The following AGBL4 variants were observed in gnomAD, a reference collection of about 807,000 sequenced individuals.
The protein encoded by AGBL4 is cytosolic carboxypeptidase 6.
Under a neutral mutation model 66.4 loss-of-function variants are expected in AGBL4, and 58 were observed. The ratio of observed to expected loss-of-function variants is 0.87; its 90% CI spans 0.71 to 1.09. The LOEUF is 1.09. Among genes scored for constraint, AGBL4 ranks in the 50% least tolerant of loss-of-function variants. The probability of loss-of-function intolerance (pLI) is 0.00; values close to 1 mark genes in which losing one functional copy is unlikely to be tolerated. For missense variants in AGBL4, 579 were observed against 631.0 expected, an observed-to-expected ratio of 0.92 and a Z score of 0.88; for synonymous variants, 234 against 222.9, an observed-to-expected ratio of 1.05 and a Z score of -0.44.
chr1:49,318,463 T>C (rs1344934476), intron 3 of AGBL4, among the ~76,000 whole-genome samples: 2 of 151,938 alleles, frequency 1.3e-5, no homozygotes, highest in African/African-American at 4.8e-5. Context: ...GGGCTTATTG[T>C]ATGCCAAACA....
chr1:48,574,273 A>T (rs1040155963), intron 11 of AGBL4, among the ~76,000 whole-genome samples: 1 of 152,160 alleles, frequency 6.6e-6, no homozygotes, highest in African/African-American at 2.4e-5. Context: ...GTACTTCTAG[A>T]GGCTGAGACT....
intron 2 of AGBL4, among the ~76,000 whole-genome samples, chr1:49,771,343 A>G (rs1644052713): frequency 6.6e-6 from 1 of 152,120 alleles, no homozygotes; most frequent in Non-Finnish European, 1.5e-5. Context: ...GTTTTATAAC[A>G]TTGTGGTACA....
At chr1:49,879,943 T>C (rs1647165342) in intron 1 of AGBL4, among the ~76,000 whole-genome samples, 1 of 145,538 alleles carries the variant, frequency 6.9e-6, no homozygotes, top group South Asian at 2.2e-4. Context: ...TTTCTTCCAG[T>C]TGATCGCATC....
intron 7 of AGBL4, 21 bp from the exon 8 acceptor site, chr1:48,653,472 G>T: frequency 1.3e-6 from 2 of 1,489,204 alleles, no homozygotes; most frequent in South Asian, 1.2e-5. Flanking sequence ...AGAAGAGCCC[G>T]GTTTAACAAC....
chr1:49,612,005 G>A (rs1368547347), intron 3 of AGBL4, among the ~76,000 whole-genome samples: 1 of 152,150 alleles, frequency 6.6e-6, no homozygotes, highest in African/African-American at 2.4e-5. Context: ...AAAAAAATAT[G>A]TGTCTGAGAA....
intron 3 of AGBL4, among the ~76,000 whole-genome samples, chr1:49,302,427 G>A (rs1644762563): frequency 6.6e-6 from 1 of 151,408 alleles, no homozygotes; most frequent in Admixed American, 6.6e-5. Flanking sequence ...TAATTTTTTT[G>A]TATTTTTAGT....
At chr1:49,765,334 T>C (rs1445758515) in intron 2 of AGBL4, among the ~76,000 whole-genome samples, 1 of 151,774 alleles carries the variant, frequency 6.6e-6, no homozygotes, top group Non-Finnish European at 1.5e-5. Flanking sequence ...CAACAGAAGT[T>C]CACAGGGCTA....
At chr1:49,996,193 G>C (rs1239759803) in intron 1 of AGBL4, 1 of 151,986 alleles carries the variant, frequency 6.6e-6, no homozygotes, top group Non-Finnish European at 1.5e-5. Flanking sequence ...TAGCTTACCA[G>C]CAATGGATCA....
intron 4 of AGBL4, among the ~76,000 whole-genome samples, chr1:49,240,018 A>C (rs990018751): frequency 6.6e-6 from 1 of 152,002 alleles, no homozygotes; most frequent in African/African-American, 2.4e-5. Context: ...TTAATTTATA[A>C]ATTTATAATT....
intron 6 of AGBL4, among the ~76,000 whole-genome samples, chr1:48,681,274 C>T (rs527290348): frequency 2.2e-4 from 33 of 152,260 alleles, no homozygotes; most frequent in African/African-American, 7.5e-4. Context: ...ATGAGTAAGT[C>T]GGGGTGCAGA....
At chr1:49,675,138 T>C (rs1451536579) in intron 3 of AGBL4, among the ~76,000 whole-genome samples, 1 of 152,136 alleles carries the variant, frequency 6.6e-6, no homozygotes. Context: ...GTGATTGTCA[T>C]TCTGTTTTCC....
At chr1:48,632,850 G>C (rs923670053) in intron 9 of AGBL4, among the ~76,000 whole-genome samples, 5 of 152,244 alleles carry the variant, frequency 3.3e-5, no homozygotes, top group African/African-American at 1.2e-4. Flanking sequence ...GAACTCTGCA[G>C]ACTACAGATT....
At chr1:49,949,669 C>G (rs1655892455) in intron 1 of AGBL4, among the ~76,000 whole-genome samples, 1 of 151,714 alleles carries the variant, frequency 6.6e-6, no homozygotes, top group Non-Finnish European at 1.5e-5. Context: ...CACCTTACTC[C>G]TGCATGAATG....
chr1:49,538,582 G>A (rs1224321740), intron 3 of AGBL4, among the ~76,000 whole-genome samples: 1 of 151,900 alleles, frequency 6.6e-6, no homozygotes, highest in Non-Finnish European at 1.5e-5. Flanking sequence ...AATACCTTTG[G>A]AAAAAAATAC....
chr1:49,614,477 C>T (rs1339672642), intron 3 of AGBL4, among the ~76,000 whole-genome samples: 4 of 151,968 alleles, frequency 2.6e-5, no homozygotes, highest in Non-Finnish European at 5.9e-5. Flanking sequence ...TGAATAATTT[C>T]CAAAATTTGA....
intron 3 of AGBL4, among the ~76,000 whole-genome samples, chr1:49,538,179 A>G (rs1327306848): frequency 6.6e-6 from 1 of 152,268 alleles, no homozygotes; most frequent in South Asian, 2.1e-4. Flanking sequence ...ATTCATAATA[A>G]CAAAGATGTG....
chr1:49,995,198 G>A, intron 1 of AGBL4: 1 of 456,276 alleles, frequency 2.2e-6, no homozygotes, highest in Non-Finnish European at 4.4e-6. Context: ...GGCAGGTGGG[G>A]AGGCACAAAT....
chr1:49,262,998 C>G (rs564994972), intron 3 of AGBL4, among the ~76,000 whole-genome samples: 1 of 152,294 alleles, frequency 6.6e-6, no homozygotes, highest in East Asian at 1.9e-4. Flanking sequence ...AGTTCATGTC[C>G]TTTGTAGGGA....
intron 4 of AGBL4, among the ~76,000 whole-genome samples, chr1:49,095,936 C>T (rs1571434829): frequency 6.6e-6 from 1 of 152,102 alleles, no homozygotes; most frequent in Non-Finnish European, 1.5e-5. Context: ...TTGCAATCTA[C>T]TCATCCGACA....
Sources: allele counts gnomAD v4.1 joint callset (sites outside exome capture counted in the v4.1 genomes callset), GRCh38; gene constraint gnomAD v4.1.1; transcripts MANE v1.5; gene names NCBI Gene and HGNC (gene_info 2026-07-23, HGNC 2026-07-21).